Variants in ZC3H7A observed in about 807,000 individuals in gnomAD.
The protein encoded by ZC3H7A is zinc finger CCCH domain-containing protein 7A.
Under a neutral mutation model 125.5 loss-of-function variants are expected in ZC3H7A, and 44 were observed. That is an observed-to-expected ratio of 0.35 (90% CI 0.28 to 0.45). ZC3H7A has a LOEUF of 0.45. ZC3H7A is among the 20% of genes least tolerant of loss of function. ZC3H7A has a pLI of 1.00. For synonymous variants in ZC3H7A, 399 were observed against 391.2 expected (o/e 1.02, Z -0.23); for missense variants, 977 against 1,170.7 (o/e 0.83, Z 2.41).
chr16:11,772,700 C>G lies in ZC3H7A; in HGVS notation c.903+1536G>C, dbSNP rs200256312. On this transcript the variant is annotated intron_variant, in intron 9 of 22. Transcript: ENST00000355758. ...ACTTTATGGGAGGGGTCAGAGAAGT[C>G]TTTTTTTTTTTTTTGAGACAGAGTA... is the stretch of plus-strand genomic sequence containing the variant. Among the ~76,000 whole-genome samples, 31 of 141,620 alleles carry G rather than the reference C, an allele frequency of 2.2e-4. 1 individual carries two copies. Among genetic ancestry groups the G allele is most frequent in the Non-Finnish European group, 4.8e-4 (31 of 64,600 alleles). The allele number at this position is 141,620 out of a possible 152,430, so 92.9% of individuals were successfully genotyped here.
At chr16:11,794,144 C>T (rs2053396388) in intron 1 of ZC3H7A, among the ~76,000 whole-genome samples, 1 of 152,110 alleles carries the variant, frequency 6.6e-6, no homozygotes, top group Non-Finnish European at 1.5e-5. Flanking sequence ...AAATGATTTG[C>T]CTGGGGACAC....
At chr16:11,788,707 G>A (rs958022365) in intron 1 of ZC3H7A, among the ~76,000 whole-genome samples, 2 of 150,558 alleles carry the variant, frequency 1.3e-5, no homozygotes, top group African/African-American at 4.9e-5. Context: ...TCCGCCTCCT[G>A]GGTTCAAGCG....
At chr16:11,781,504 C>T (rs769393655) in intron 2 of ZC3H7A, 40 bp from the exon 3 acceptor site, 6 of 1,596,890 alleles carry the variant, frequency 3.8e-6, no homozygotes, top group Non-Finnish European at 4.3e-6. Flanking sequence ...TATCAAGCTC[C>T]TTATCGGGAC....
chr16:11,777,996 G>A lies in ZC3H7A; in HGVS notation c.307-1087C>T, dbSNP rs11643845. ...ATTGTGCCATTGCACTCCAGCCTGG[G>A]CAACAAGAGTGAAACTCTTGTCTCA... On this transcript the variant is annotated intron_variant, in intron 4 of 22. Coordinates refer to ENST00000355758, the MANE Select transcript of ZC3H7A (RefSeq NM_014153.4). 1.5e-4 allele frequency among the ~76,000 whole-genome samples: 22 copies of A among 147,998 alleles called. No individual in the cohort carries two copies. In the South Asian group the frequency reaches 4.7e-3, roughly 31 times the overall value.
chr16:11,794,724 C>T (rs1433397871), intron 1 of ZC3H7A, among the ~76,000 whole-genome samples: 3 of 152,206 alleles, frequency 2.0e-5, no homozygotes, highest in East Asian at 1.9e-4. Context: ...CTCTCACCAT[C>T]CCTGGAGTTG....
At position 11,765,022 on chromosome 16, in the gene ZC3H7A, T is replaced by C. The variant is rs186675032; in HGVS notation, c.1820+31A>G. ...AGATCTAGAAAAAGAATCTATTTTG[T>C]CATTACAGAAATTAGAAACTATCAA... is the stretch of plus-strand genomic sequence containing the variant. On this transcript the variant is annotated intron_variant, in intron 15 of 22. Coordinates refer to ENST00000355758, the MANE Select transcript of ZC3H7A (RefSeq NM_014153.4). This position sits in a 1 kb window ranked among gnomAD's most constrained non-coding sequence, Gnocchi z 4.8. The C allele has an allele frequency of 1.4e-6, 2 of 1,412,556 alleles. No homozygotes were observed. Among genetic ancestry groups the C allele is most frequent in the African/African-American group, 3.0e-5 (2 of 67,700 alleles). The allele number at this position is 1,412,556 out of a possible 1,614,324, so 87.5% of individuals were successfully genotyped here.
chr16:11,754,051 G>C (rs1413149709), intron 21 of ZC3H7A: 2 of 151,992 alleles, frequency 1.3e-5, no homozygotes, highest in African/African-American at 4.8e-5. Context: ...AGCACTTTGG[G>C]AGGCCGAGGC....
chr16:11,768,740 C>T (rs185733520), intron 11 of ZC3H7A, among the ~76,000 whole-genome samples: 1 of 152,274 alleles, frequency 6.6e-6, no homozygotes, highest in African/African-American at 2.4e-5. Context: ...ATAAGTTCTA[C>T]TGCAAAAGTA....
chr16:11,787,918 C>G (rs148718526), intron 1 of ZC3H7A, among the ~76,000 whole-genome samples: 38 of 151,664 alleles, frequency 2.5e-4, no homozygotes, highest in African/African-American at 9.2e-4. Flanking sequence ...TGCACTCCAG[C>G]CTGGGGGACA....
rs181618502 is a variant in ZC3H7A, at chr16:11,788,586, G to C, written c.-34-6198C>G. Among the ~76,000 whole-genome samples, 103 of 151,088 alleles carry C rather than the reference G, an allele frequency of 6.8e-4. 1 individual carries two copies. Among genetic ancestry groups the C allele is most frequent in the Middle Eastern group, 6.9e-3 (2 of 290 alleles). On this transcript the variant is annotated intron_variant, in intron 1 of 22. Transcript: ENST00000355758. ...CTGTTACCAGTCTCAGAAAAGTCCA[G>C]ACAAATATATTGCTTTCTTTTTTTT...
At chr16:11,794,312 G>C (rs986536241) in intron 1 of ZC3H7A, among the ~76,000 whole-genome samples, 1 of 152,112 alleles carries the variant, frequency 6.6e-6, no homozygotes, top group Non-Finnish European at 1.5e-5. Flanking sequence ...CTTTCTATTT[G>C]TGAAAAAGTA....
intron 11 of ZC3H7A, 107 bp downstream of exon 11, chr16:11,768,924 C>A: frequency 8.9e-7 from 1 of 1,127,022 alleles, no homozygotes; most frequent in Non-Finnish European, 1.3e-6. Flanking sequence ...TCCTGCAGCA[C>A]ACACAAAATT....
intron 11 of ZC3H7A, among the ~76,000 whole-genome samples, 180 bp downstream of exon 11, chr16:11,768,851 A>G (rs560185940): frequency 2.6e-5 from 4 of 152,334 alleles, no homozygotes; most frequent in African/African-American, 7.2e-5. Context: ...GCTATGACAG[A>G]TCAAGTCTTA....
At chr16:11,781,599 T>G (rs1014979897) in intron 2 of ZC3H7A, 135 bp from the exon 3 acceptor site, 7 of 671,144 alleles carry the variant, frequency 1.0e-5, no homozygotes, top group Non-Finnish European at 1.8e-5. Flanking sequence ...TCCTCCTCCT[T>G]TACTACCATT....
At position 11,751,087 on chromosome 16, in the gene ZC3H7A, A is replaced by ACT. The variant is rs1567368281; in HGVS notation, c.*229_*230insAG. On this transcript the variant is annotated 3_prime_UTR_variant, in exon 23 of 23. Transcript: ENST00000355758. ...CTTCATCCAAAAGTCTGTTCAACAG[A>ACT]TGGCAACCGGGTAGCAGTCACTTCA... is the stretch of plus-strand genomic sequence containing the variant. 4 of 433,692 alleles carry ACT rather than the reference A, an allele frequency of 9.2e-6. No homozygotes were observed. Among genetic ancestry groups the ACT allele is most frequent in the Non-Finnish European group, 1.2e-5 (3 of 243,186 alleles). The allele number at this position is 433,692 out of a possible 1,614,324, so 26.9% of individuals were successfully genotyped here.
chr16:11,785,211 C>T (rs768684877), intron 1 of ZC3H7A, among the ~76,000 whole-genome samples: 31 of 151,854 alleles, frequency 2.0e-4, no homozygotes, highest in Non-Finnish European at 3.1e-4. Flanking sequence ...TGGTGGCATG[C>T]ACCTGTAGTC....
At chr16:11,772,980 T>C (rs1167080039) in intron 9 of ZC3H7A, among the ~76,000 whole-genome samples, 2 of 151,768 alleles carry the variant, frequency 1.3e-5, no homozygotes, top group Non-Finnish European at 2.9e-5. Context: ...TGTGCGCCAC[T>C]GCACCCAGCA....
intron 1 of ZC3H7A, among the ~76,000 whole-genome samples, chr16:11,788,878 C>T (rs2053303455): frequency 1.3e-5 from 2 of 152,154 alleles, no homozygotes; most frequent in African/African-American, 2.4e-5. Flanking sequence ...TCCCAAAGTG[C>T]TGGGATTACA....
Position 11,756,290 on chromosome 16 carries a change from TTGAC to T in ZC3H7A, c.2505_2508del (p.Ser836ThrfsTer75), listed in dbSNP as rs1671421409. The T allele has an allele frequency of 6.2e-7, 1 of 1,614,080 alleles. No individual in the cohort carries two copies. The highest frequency in any genetic ancestry group is 8.5e-7 in the Non-Finnish European group (1 of 1,180,040). On this transcript the variant is annotated frameshift_variant, in exon 21 of 23. Coordinates refer to ENST00000355758, the MANE Select transcript of ZC3H7A (RefSeq NM_014153.4). LOFTEE classifies it high-confidence loss of function. The stretch of plus-strand genomic sequence containing the variant: ...TGAATTTGTTTTCCATTTTCCTTGT[TTGAC>T]TGACTGGCTATGTCTTCACTTTTTT...
Sources: gnomAD v4.1 joint callset for allele counts (sites outside exome capture counted in the v4.1 genomes callset) on GRCh38, gnomAD v4.1.1 for gene constraint, Gnocchi (gnomAD v3.1) non-coding constraint, MANE v1.5 for transcripts, NCBI Gene and HGNC (gene_info 2026-07-23, HGNC 2026-07-21) for gene names.